ZNF721: variants seen among roughly 807,000 people sequenced by gnomAD.
The protein encoded by ZNF721 is zinc finger protein 721.
In ZNF721, 2 loss-of-function variants were observed where a neutral mutation model predicts 2.4. The observed-to-expected ratio is 0.82, with a 90% CI of 0.34 to 2.58. The LOEUF (loss-of-function observed/expected upper bound fraction) is 2.58, where lower values mean the gene tolerates loss of function less well. Ranked by LOEUF, ZNF721 falls within the 30% of genes most tolerant of loss-of-function variation. The probability of loss-of-function intolerance (pLI) is 0.11; values close to 1 mark genes in which losing one functional copy is unlikely to be tolerated. For synonymous variants in ZNF721, 398 were observed against 381.8 expected (o/e 1.04, Z -0.50); for missense variants, 1,187 against 1,085.5 (o/e 1.09, Z -1.31).
intron 1 of ZNF721, among the ~76,000 whole-genome samples, chr4:477,338 T>C (rs892056721): frequency 2.4e-4 from 34 of 143,896 alleles, no homozygotes; most frequent in Middle Eastern, 3.6e-3. Context: ...CCTGGGTTCA[T>C]GCCATTCTCC....
chr4:493,133 G>T (rs1716067000), intron 1 of ZNF721, among the ~76,000 whole-genome samples: 1 of 144,050 alleles, frequency 6.9e-6, no homozygotes, highest in Non-Finnish European at 1.5e-5. Context: ...ATAATTTAAA[G>T]TTGTGAAACC....
Position 441,818 on chromosome 4 carries a change from A to C in ZNF721, c.2649T>G (p.His883Gln), listed in dbSNP as rs1714248445. The C allele has an allele frequency of 6.2e-7, 1 of 1,613,848 alleles. No individual in the cohort carries two copies. Among genetic ancestry groups the C allele is most frequent in the South Asian group, 1.1e-5 (1 of 91,078 alleles). ...TFRQSANLYAHKKIHTGEKPY... is the reference protein window; with the variant it reads ...TFRQSANLYAQKKIHTGEKPY... The stretch of plus-strand genomic sequence containing the variant: ...GTTTCTCTCCAGTATGAATTTTCTT[A>C]TGCGCATAAAGATTTGCAGACTGTC... The change falls in exon 3 of 3, where the codon CAT (histidine) becomes CAG (glutamine). Residue 883 changes from histidine to glutamine, a missense_variant. By Grantham distance (24) the His-to-Gln change is conservative (BLOSUM62 0). Coordinates refer to ENST00000511833, the MANE Select transcript of ZNF721 (RefSeq NM_133474.4).
Position 499,069 on chromosome 4 carries a change from G to A in ZNF721, c.-107C>T, listed in dbSNP as rs1037949087. The A allele has an allele frequency of 3.8e-6, 2 of 532,526 alleles. No individual in the cohort carries two copies. Among genetic ancestry groups the A allele is most frequent in the Non-Finnish European group, 6.6e-6 (2 of 304,226 alleles). The allele number at this position is 532,526 out of a possible 1,614,324, so 33.0% of individuals were successfully genotyped here. On this transcript the variant is annotated 5_prime_UTR_variant, in exon 1 of 3. Transcript: ENST00000511833. ...AAAACCTCGTACCTCGCCGTGGGCG[G>A]CGACCGTCGCGGACTCGCCGGGAAG... is the stretch of plus-strand genomic sequence containing the variant.
chr4:459,103 G>C (rs1049559529), intron 2 of ZNF721, among the ~76,000 whole-genome samples: 1 of 152,134 alleles, frequency 6.6e-6, no homozygotes, highest in Non-Finnish European at 1.5e-5. Flanking sequence ...ACAAGCAAAT[G>C]CTGAGAGATT....
At chr4:480,425 T>C (rs1379853816) in intron 1 of ZNF721, among the ~76,000 whole-genome samples, 2 of 152,242 alleles carry the variant, frequency 1.3e-5, no homozygotes, top group African/African-American at 2.4e-5. Context: ...ACTCAAAACA[T>C]TGGTCATCTT....
At chr4:489,424 G>A (rs1553871102) in intron 1 of ZNF721, among the ~76,000 whole-genome samples, 1 of 152,198 alleles carries the variant, frequency 6.6e-6, no homozygotes, top group Admixed American at 6.5e-5. Context: ...GTGTCTGTAT[G>A]TCTTATTCTT....
intron 2 of ZNF721, among the ~76,000 whole-genome samples, chr4:467,372 T>C (rs1168889857): frequency 6.6e-6 from 1 of 152,256 alleles, no homozygotes; most frequent in African/African-American, 2.4e-5. Context: ...TAGACACCAT[T>C]ATTTAATAAG....
intron 2 of ZNF721, among the ~76,000 whole-genome samples, chr4:464,685 T>C (rs1182207894): frequency 6.6e-6 from 1 of 152,060 alleles, no homozygotes; most frequent in East Asian, 1.9e-4. Flanking sequence ...GGCCAGGAGT[T>C]CAAAACCAGT....
intron 2 of ZNF721, among the ~76,000 whole-genome samples, chr4:467,009 G>A (rs1348674988): frequency 1.3e-5 from 2 of 152,178 alleles, no homozygotes; most frequent in Non-Finnish European, 2.9e-5. Context: ...ACAAGGTCAG[G>A]AGATAGAGAT....
rs1714204375 is a variant in ZNF721 at position 440,702 on chromosome 4, G to A, written c.*993C>T. ...TGTTTTGAGACAGAGTTTCACTCTT[G>A]TTACCCAGGCTGGAGTGCAATGGCA... On this transcript the variant is annotated 3_prime_UTR_variant, in exon 3 of 3. Transcript: ENST00000511833. The A allele has an allele frequency of 6.6e-6, 1 of 152,110 alleles. No individual in the cohort carries two copies. Among genetic ancestry groups the A allele is most frequent in the African/African-American group, 2.4e-5 (1 of 41,392 alleles). The allele number at this position is 152,110 out of a possible 1,614,324, so 9.4% of individuals were successfully genotyped here.
Position 472,581 on chromosome 4 carries a change from A to T in ZNF721, c.28T>A (p.Ser10Thr). ...GCATTAAAGTTATCCTCACCTAGGG[A>T]GACCAGGTTTCTGTAGTTCTCCAAC... is the stretch of plus-strand genomic sequence containing the variant. MLENYRNLV[S>T]LAMCSHFTQD... Residue 10 changes from serine to threonine, a missense_variant, in exon 2 of 3, where the codon TCC (serine) becomes ACC (threonine). Coordinates refer to ENST00000511833, the MANE Select transcript of ZNF721 (RefSeq NM_133474.4). 5.6e-6 allele frequency: 9 copies of T among 1,611,328 alleles called. No homozygotes were observed. The highest frequency in any genetic ancestry group is 5.9e-6 in the Non-Finnish European group (7 of 1,179,420).
chr4:492,439 T>TA (rs1553871623), intron 1 of ZNF721, among the ~76,000 whole-genome samples: 1 of 152,038 alleles, frequency 6.6e-6, no homozygotes, highest in East Asian at 1.9e-4. Context: ...AACTTCAGGT[T>TA]AAAAAAAGTT....
chr4:449,840 A>G (rs1245200955), intron 2 of ZNF721, among the ~76,000 whole-genome samples: 3 of 152,238 alleles, frequency 2.0e-5, no homozygotes, highest in African/African-American at 7.2e-5. Context: ...AATGCAAATC[A>G]AAACCACAAG....
At chr4:481,572 TTTC>T (rs1419913011) in intron 1 of ZNF721, among the ~76,000 whole-genome samples, 2 of 138,358 alleles carry the variant, frequency 1.4e-5, no homozygotes, top group African/African-American at 5.6e-5. Flanking sequence ...TGTTCTTTTC[TTTC>T]TTTTTTTTTT....
chr4:460,637 A>T (rs1188617602), intron 2 of ZNF721, among the ~76,000 whole-genome samples: 41 of 151,934 alleles, frequency 2.7e-4, no homozygotes, highest in African/African-American at 6.7e-4. Context: ...CAAAAAAAAA[A>T]AAAAAAATCA....
At chr4:493,360 TGCCTAAA>T (rs1300922772) in intron 1 of ZNF721, among the ~76,000 whole-genome samples, 1 of 152,196 alleles carries the variant, frequency 6.6e-6, no homozygotes, top group Non-Finnish European at 1.5e-5. Flanking sequence ...TGTACTACAC[TGCCTAAA>T]GCCACAGGAT....
intron 2 of ZNF721, among the ~76,000 whole-genome samples, chr4:471,226 T>C (rs1039943136): frequency 1.3e-5 from 2 of 152,184 alleles, no homozygotes; most frequent in Non-Finnish European, 2.9e-5. Context: ...ACATATCATA[T>C]AATCCAGCAA....
intron 2 of ZNF721, 41 bp from the exon 3 acceptor site, chr4:444,473 T>A: frequency 6.6e-7 from 1 of 1,504,242 alleles, no homozygotes; most frequent in East Asian, 2.3e-5. Context: ...AGTTACTAGA[T>A]TCATATGCAT....
intron 1 of ZNF721, chr4:474,085 C>G: frequency 1.5e-6 from 2 of 1,368,138 alleles, no homozygotes; most frequent in African/African-American, 1.5e-5. Flanking sequence ...TCACCGAGGC[C>G]TCCCTGAGGT....
Sources: gnomAD v4.1 joint callset for allele counts (sites outside exome capture counted in the v4.1 genomes callset) on GRCh38, gnomAD v4.1.1 for gene constraint, MANE v1.5 for transcripts, NCBI Gene and HGNC (gene_info 2026-07-23, HGNC 2026-07-21) for gene names.